The following FTCDNL1 variants were observed in gnomAD, a reference collection of about 807,000 sequenced individuals.
The protein encoded by FTCDNL1 is formiminotransferase cyclodeaminase N-terminal like.
Under a neutral mutation model 5.9 loss-of-function variants are expected in FTCDNL1, and 11 were observed. The ratio of observed to expected loss-of-function variants is 1.87; its 90% confidence interval spans 1.18 to 3.10. The LOEUF (loss-of-function observed/expected upper bound fraction) is 3.10, where lower values mean the gene tolerates loss of function less well. FTCDNL1 is among the 30% of genes most tolerant of loss of function. The pLI is 0.00. For missense variants in FTCDNL1, 115 were observed against 65.5 expected, an observed-to-expected ratio of 1.76 and a Z score of -2.61; for synonymous variants, 58 against 24.8, an observed-to-expected ratio of 2.34 and a Z score of -3.99.
intron 3 of FTCDNL1, among the ~76,000 whole-genome samples, chr2:199,836,948 G>T (rs191114695): frequency 6.6e-6 from 1 of 152,164 alleles, no homozygotes; most frequent in Non-Finnish European, 1.5e-5. Flanking sequence ...TGCCCGATGG[G>T]GTTAACTTGC....
chr2:199,809,052 A>G (rs766983120), downstream of FTCDNL1, among the ~76,000 whole-genome samples: 1 of 152,158 alleles, frequency 6.6e-6, no homozygotes, highest in Non-Finnish European at 1.5e-5. Flanking sequence ...TCTTCACCAG[A>G]GCAACTAAAA....
intron 3 of FTCDNL1, among the ~76,000 whole-genome samples, chr2:199,790,946 A>T (rs1181482564): frequency 6.6e-6 from 1 of 152,160 alleles, no homozygotes; most frequent in East Asian, 1.9e-4. Flanking sequence ...TCAACTTCTT[A>T]AAACCTATCC....
At chr2:199,761,352 G>A (rs1474288748) in intron 3 of FTCDNL1, among the ~76,000 whole-genome samples, 1 of 152,190 alleles carries the variant, frequency 6.6e-6, no homozygotes, top group African/African-American at 2.4e-5. Context: ...TGTGTACGTC[G>A]AAAATGCAAG....
In FTCDNL1 at chr2:199,844,400, T is replaced by G. The variant is rs1298408701; in HGVS notation, c.211+1675A>C. ...CTTACTTCTGGCCACCACTCCACAC[T>G]ATTCCACTGTGACACCAGAGAGAGG... On this transcript the variant is annotated intron_variant, in intron 3 of 4. Transcript: ENST00000420128. 5 of 618,478 alleles carry G rather than the reference T, an allele frequency of 8.1e-6. No individual in the cohort carries two copies. In the Admixed American group the frequency reaches 1.2e-4, roughly 15 times the overall value. 38.3% of individuals were successfully genotyped at this position (618,478 alleles called of 1,614,324 possible). A position where few individuals can be genotyped will look rare whatever the true frequency, so the allele number is the denominator to read the frequency against.
chr2:199,832,540 C>CT (rs1702440542), intron 3 of FTCDNL1, among the ~76,000 whole-genome samples: 1 of 152,180 alleles, frequency 6.6e-6, no homozygotes, highest in South Asian at 2.1e-4. Context: ...AAGCTGTCTG[C>CT]TATAGAACTT....
intron 3 of FTCDNL1, among the ~76,000 whole-genome samples, chr2:199,832,452 C>T (rs893770976): frequency 8.5e-5 from 13 of 152,298 alleles, no homozygotes; most frequent in East Asian, 1.9e-4. Context: ...TTCACAAACA[C>T]GTCTCCATTT....
In FTCDNL1 at chr2:199,812,865, G is replaced by A. The variant is rs555793690; in HGVS notation, c.398-141C>T. The A allele has an allele frequency of 8.9e-5, 52 of 585,260 alleles. No individual in the cohort carries two copies. In the East Asian group the frequency reaches 9.2e-4, roughly 10 times the overall value. 36.3% of individuals were successfully genotyped at this position (585,260 alleles called of 1,614,324 possible). On this transcript the variant is annotated intron_variant, in intron 4 of 4. Coordinates refer to ENST00000420128, the MANE Select transcript of FTCDNL1 (RefSeq NM_001363886.2). ...AAGAAAAAGAAACTGAGATTCAGTC[G>A]CTATTATTTCACAGAGAAATATAAC...
At chr2:199,683,104 C>G in the FTCDNL1 span, among the ~76,000 whole-genome samples, 1 of 152,130 alleles carries the variant, frequency 6.6e-6, no homozygotes, top group African/African-American at 2.4e-5. Context: ...TAAAGTTTTG[C>G]ACCCAAAATT....
chr2:199,701,882 A>G, the FTCDNL1 span, among the ~76,000 whole-genome samples: 1 of 152,082 alleles, frequency 6.6e-6, no homozygotes, highest in African/African-American at 2.4e-5. Context: ...TAAAAATACA[A>G]AAGTTAGCCT....
At chr2:199,693,125 C>T in the FTCDNL1 span, among the ~76,000 whole-genome samples, 19 of 152,162 alleles carry the variant, frequency 1.2e-4, no homozygotes, top group Non-Finnish European at 2.2e-4. Context: ...ACAGTACATT[C>T]TGTTTTCTGT....
chr2:199,720,440 T>A, the FTCDNL1 span, among the ~76,000 whole-genome samples: 12,759 of 152,132 alleles, frequency 0.084, 1,087 homozygotes, highest in African/African-American at 0.19. Flanking sequence ...GTAGGCAGCT[T>A]AAAACATCAG....
the FTCDNL1 span, among the ~76,000 whole-genome samples, chr2:199,707,410 G>A: frequency 6.6e-6 from 1 of 151,764 alleles, no homozygotes; most frequent in Non-Finnish European, 1.5e-5. Flanking sequence ...TACAATTTGT[G>A]TCTTTCAAGA....
intron 3 of FTCDNL1, among the ~76,000 whole-genome samples, chr2:199,778,957 C>T (rs996137991): frequency 5.3e-5 from 8 of 152,088 alleles, no homozygotes; most frequent in African/African-American, 1.9e-4. Context: ...TAAGTAATCA[C>T]AAGAACTTTT....
At position 199,787,187 on chromosome 2, in the gene FTCDNL1, C is replaced by CTT. The variant is rs542150293; in HGVS notation, c.212-26354_212-26353dup. ...GGCAACCTTAATTTTCTTTTCTTTT[C>CTT]TTTTTTTTTTTTGAGATAGAATCTC... On this transcript the variant is annotated intron_variant, in intron 3 of 3. Coordinates refer to the FTCDNL1 transcript ENST00000416668. 3.1e-4 allele frequency among the ~76,000 whole-genome samples: 46 copies of CTT among 148,606 alleles called. No individual in the cohort carries two copies. In the South Asian group the frequency reaches 3.8e-3, roughly 12 times the overall value.
exon 4 of FTCDNL1, chr2:199,760,791 G>C (rs1275416694): frequency 1.4e-6 from 1 of 702,228 alleles, no homozygotes; most frequent in Non-Finnish European, 2.6e-6. Flanking sequence ...CCTGGATGTC[G>C]ACCTCGCAAC....
the FTCDNL1 span, among the ~76,000 whole-genome samples, chr2:199,689,137 T>C: frequency 6.6e-6 from 1 of 152,186 alleles, no homozygotes; most frequent in African/African-American, 2.4e-5. Flanking sequence ...TTATTAAAAA[T>C]CATCTTGCAG....
At chr2:199,732,554 C>T in the FTCDNL1 span, among the ~76,000 whole-genome samples, 1 of 151,176 alleles carries the variant, frequency 6.6e-6, no homozygotes, top group African/African-American at 2.4e-5. Flanking sequence ...TGGAATGTTA[C>T]AGGGCAGTCA....
At chr2:199,754,509 A>C in the FTCDNL1 span, among the ~76,000 whole-genome samples, 1 of 152,226 alleles carries the variant, frequency 6.6e-6, no homozygotes, top group South Asian at 2.1e-4. Context: ...CCACCACACC[A>C]GACCAGGAAC....
chr2:199,710,938 G>A, the FTCDNL1 span, among the ~76,000 whole-genome samples: 1 of 152,102 alleles, frequency 6.6e-6, no homozygotes, highest in Admixed American at 6.6e-5. Context: ...ATGTTCTATA[G>A]AGTGCCACAG....
Sources: allele counts gnomAD v4.1 joint callset (sites outside exome capture counted in the v4.1 genomes callset), GRCh38; gene constraint gnomAD v4.1.1; transcripts MANE v1.5; gene names NCBI Gene and HGNC (gene_info 2026-07-23, HGNC 2026-07-21).